The following ATP2B2 variants were observed in gnomAD, a reference collection of about 807,000 sequenced individuals.
The protein encoded by ATP2B2 is ATPase plasma membrane Ca2+ transporting 2.
A neutral mutation model predicts 120.0 loss-of-function variants in ATP2B2; 15 were observed. The ratio of observed to expected loss-of-function variants is 0.12; its 90% CI spans 0.08 to 0.19. ATP2B2 has a LOEUF of 0.19. ATP2B2 is among the 10% of genes least tolerant of loss of function. ATP2B2 has a pLI of 1.00. For synonymous variants in ATP2B2, 694 were observed against 700.3 expected (o/e 0.99, Z 0.14); for missense variants, 1,045 against 1,719.8 (o/e 0.61, Z 6.94).
chr3:10,333,686 A>G (rs2060041785), intron 22 of ATP2B2, among the ~76,000 whole-genome samples: 1 of 152,196 alleles, frequency 6.6e-6, no homozygotes, highest in Middle Eastern at 3.2e-3. Context: ...CCAGAATTAC[A>G]GGCTGGATTC....
rs142875387 is a variant in ATP2B2, at chr3:10,642,546, C to A, written c.-459-22585G>T. ...ACATGTACACCCACACACGTACACACAATGTCTGGCCTGTGTAAAACCCAT... is the reference window on the plus strand; with the variant it reads ...ACATGTACACCCACACACGTACACAAAATGTCTGGCCTGTGTAAAACCCAT... On this transcript the variant is annotated intron_variant, in intron 1 of 21. Coordinates refer to the ATP2B2 transcript ENST00000646379. Among the ~76,000 whole-genome samples, 54 of 152,320 alleles carry A rather than the reference C, an allele frequency of 3.5e-4. No individual in the cohort carries two copies. The East Asian group carries it at 7.3e-3, about 21-fold the overall frequency.
intron 2 of ATP2B2, among the ~76,000 whole-genome samples, chr3:10,411,017 C>T (rs2062593219): frequency 6.6e-6 from 1 of 152,150 alleles, no homozygotes. Flanking sequence ...GAATGGCAGC[C>T]TCCAAAATAT....
intron 2 of ATP2B2, among the ~76,000 whole-genome samples, chr3:10,544,349 A>G (rs1376666330): frequency 1.3e-5 from 2 of 152,228 alleles, no homozygotes; most frequent in East Asian, 1.9e-4. Flanking sequence ...GACAGATCCT[A>G]TCACCTGCCT....
At chr3:10,514,954 T>C (rs73026855) in intron 3 of ATP2B2, among the ~76,000 whole-genome samples, 4,558 of 152,272 alleles carry the variant, frequency 0.03, 164 homozygotes, top group East Asian at 0.19. Context: ...AGTGCTGACC[T>C]TGTCCCCCCA....
chr3:10,670,143 A>C (rs2071056893), intron 1 of ATP2B2, among the ~76,000 whole-genome samples: 1 of 152,212 alleles, frequency 6.6e-6, no homozygotes, highest in Non-Finnish European at 1.5e-5. Flanking sequence ...AATTAAAATT[A>C]GGTTGCGTTA....
intron 1 of ATP2B2, among the ~76,000 whole-genome samples, chr3:10,484,616 C>T (rs922678878): frequency 6.6e-5 from 10 of 152,152 alleles, no homozygotes; most frequent in South Asian, 4.1e-4. Context: ...GGTCTCTGCA[C>T]GTCCCAGCCC....
intron 1 of ATP2B2, among the ~76,000 whole-genome samples, chr3:10,649,934 G>T (rs2070412489): frequency 6.6e-6 from 1 of 152,196 alleles, no homozygotes; most frequent in African/African-American, 2.4e-5. Context: ...GGAAGTGTAA[G>T]TCCAATGGAC....
At chr3:10,639,516 A>G (rs2070113731) in intron 1 of ATP2B2, among the ~76,000 whole-genome samples, 1 of 152,096 alleles carries the variant, frequency 6.6e-6, no homozygotes, top group Admixed American at 6.5e-5. Context: ...ACTAATCCCT[A>G]TCATGAGGGC....
intron 1 of ATP2B2, among the ~76,000 whole-genome samples, chr3:10,693,838 T>G (rs2071704445): frequency 6.6e-6 from 1 of 152,212 alleles, no homozygotes; most frequent in African/African-American, 2.4e-5. Flanking sequence ...AACAAATACA[T>G]CTAGGTCATT....
chr3:10,571,603 G>A (rs1056018485), intron 2 of ATP2B2, among the ~76,000 whole-genome samples: 2 of 152,220 alleles, frequency 1.3e-5, no homozygotes, highest in Admixed American at 6.5e-5. Flanking sequence ...GCTCAGCCAG[G>A]CTACTCAGCT....
intron 2 of ATP2B2, among the ~76,000 whole-genome samples, chr3:10,536,331 ATTTTTT>A (rs71055821): frequency 7.2e-6 from 1 of 138,834 alleles, no homozygotes; most frequent in Non-Finnish European, 1.6e-5. Flanking sequence ...TTGTCACAGG[ATTTTTT>A]TTTTTTTTGT....
chr3:10,493,024 T>C (rs1488203357), intron 1 of ATP2B2, among the ~76,000 whole-genome samples: 1 of 149,510 alleles, frequency 6.7e-6, no homozygotes, highest in Admixed American at 6.6e-5. Flanking sequence ...AATTCATTTG[T>C]TCATTCATTC....
At chr3:10,573,543 G>A (rs1196293116) in intron 2 of ATP2B2, among the ~76,000 whole-genome samples, 1 of 152,122 alleles carries the variant, frequency 6.6e-6, no homozygotes, top group African/African-American at 2.4e-5. Flanking sequence ...ATTTCTGGGG[G>A]AGCTTGTTGA....
intron 2 of ATP2B2, among the ~76,000 whole-genome samples, chr3:10,436,748 G>A (rs961302397): frequency 4.6e-5 from 7 of 152,094 alleles, no homozygotes; most frequent in Non-Finnish European, 8.8e-5. Flanking sequence ...TGTTGTTTAC[G>A]ACCGACGTGC....
intron 1 of ATP2B2, among the ~76,000 whole-genome samples, chr3:10,463,031 T>C (rs2125243218): frequency 6.6e-6 from 1 of 152,306 alleles, no homozygotes; most frequent in South Asian, 2.1e-4. Flanking sequence ...TCCAGAATGG[T>C]CTACCACCTG....
chr3:10,440,048 C>T (rs1299985482), intron 2 of ATP2B2, among the ~76,000 whole-genome samples: 1 of 136,904 alleles, frequency 7.3e-6, no homozygotes, highest in Admixed American at 8.2e-5. Context: ...GCTGCAGTGA[C>T]CTGTGATCGT....
chr3:10,385,278 G>C lies in ATP2B2; in HGVS notation c.990C>G (p.Ser330Arg), dbSNP rs554208140. The change falls in exon 8 of 23, where the codon AGC (serine) becomes AGG (arginine). Residue 330 changes from serine (S) to arginine (R), a missense_variant. Around this residue, in one of 11 missense-constraint regions of ATP2B2, gnomAD observed 145 missense variants for 202.0 expected, o/e 0.72. Transcript: ENST00000360273. ...ASNAADSANA[S>R]LVNGKMQDGN... ...CCGTGGGAGACATACCATTGACTAG[G>C]CTGGCATTCGCACTATCTGCAGCAT... is the stretch of plus-strand genomic sequence containing the variant. 1 of 1,613,854 alleles carries C rather than the reference G, an allele frequency of 6.2e-7. No individual in the cohort carries two copies. Among genetic ancestry groups the C allele is most frequent in the Non-Finnish European group, 8.5e-7 (1 of 1,179,934 alleles).
In ATP2B2 at chr3:10,402,473, T is replaced by C; in HGVS notation, c.398-125A>G. On this transcript the variant is annotated intron_variant, in intron 3 of 22. Coordinates refer to ENST00000360273, the MANE Select transcript of ATP2B2 (RefSeq NM_001001331.4). This position sits in a 1 kb window ranked among gnomAD's most constrained non-coding sequence, Gnocchi z 4.9. ...AAGAATCAGATGATAATTATCCACT[T>C]ACTCAGTGTGTCTGGGTACCAAGCC... 1 of 1,411,416 alleles carries C rather than the reference T, an allele frequency of 7.1e-7. No homozygotes were observed. The highest frequency in any genetic ancestry group is 9.8e-7 in the Non-Finnish European group (1 of 1,015,432). 87.4% of individuals were successfully genotyped at this position (1,411,416 alleles called of 1,614,324 possible).
intron 2 of ATP2B2, among the ~76,000 whole-genome samples, chr3:10,443,287 G>A (rs1003533789): frequency 2.0e-5 from 3 of 151,770 alleles, no homozygotes; most frequent in African/African-American, 7.3e-5. Context: ...TCTGCAGCAG[G>A]TCCACAGCCT....
Sources: allele counts gnomAD v4.1 joint callset (sites outside exome capture counted in the v4.1 genomes callset), GRCh38; gene constraint gnomAD v4.1.1; regional missense constraint gnomAD v4.1.1; non-coding constraint Gnocchi (gnomAD v3.1); transcripts MANE v1.5; gene names NCBI Gene and HGNC (gene_info 2026-07-23, HGNC 2026-07-21).